CADPS: variants seen among roughly 807,000 people sequenced by gnomAD.
The protein encoded by CADPS is calcium dependent secretion activator.
A neutral mutation model predicts 167.3 loss-of-function variants in CADPS; 57 were observed. The observed-to-expected ratio is 0.34, with a 90% confidence interval of 0.28 to 0.42. The LOEUF is 0.42. Ranked by LOEUF, CADPS falls within the 20% of genes least tolerant of loss-of-function variation. The pLI is 1.00. For missense variants in CADPS, 1,414 were observed against 1,738.1 expected, an observed-to-expected ratio of 0.81 and a Z score of 3.32; for synonymous variants, 676 against 635.3, an observed-to-expected ratio of 1.06 and a Z score of -0.96.
chr3:62,422,972 A>AC (rs2051776836), intron 28 of CADPS, among the ~76,000 whole-genome samples: 1 of 152,130 alleles, frequency 6.6e-6, no homozygotes, highest in African/African-American at 2.4e-5. Flanking sequence ...CCAACATTTT[A>AC]CCCCCCAAAT....
chr3:62,697,366 G>A (rs1212834492), intron 3 of CADPS, among the ~76,000 whole-genome samples: 1 of 151,918 alleles, frequency 6.6e-6, no homozygotes, highest in Non-Finnish European at 1.5e-5. Flanking sequence ...TATGATGTTT[G>A]GTTTTCCATT....
At chr3:62,689,241 T>G (rs1262393312) in intron 3 of CADPS, among the ~76,000 whole-genome samples, 2 of 151,706 alleles carry the variant, frequency 1.3e-5, no homozygotes, top group African/African-American at 4.8e-5. Context: ...AAAAAAAAAA[T>G]GCATTCCTCC....
At position 62,856,299 on chromosome 3, in the gene CADPS, G is replaced by A. The variant is rs1050595024; in HGVS notation, c.441+18290C>T. ...AATAAATTTAACAATAAATGTATAG[G>A]CCATGTATGTTGAAAACTACAAAAA... On this transcript the variant is annotated intron_variant, in intron 1 of 29. Coordinates refer to ENST00000383710, the MANE Select transcript of CADPS (RefSeq NM_003716.4). Among the ~76,000 whole-genome samples the A allele has an allele frequency of 2.0e-5, 3 of 151,992 alleles. No homozygotes were observed. In the East Asian group the frequency reaches 5.8e-4, roughly 29 times the overall value.
intron 17 of CADPS, among the ~76,000 whole-genome samples, chr3:62,502,471 C>T (rs2065926928): frequency 6.6e-6 from 1 of 152,118 alleles, no homozygotes. Flanking sequence ...AAAAAATTGT[C>T]ATGCAAAATG....
intron 3 of CADPS, among the ~76,000 whole-genome samples, chr3:62,695,525 C>G (rs1360054204): frequency 2.0e-5 from 3 of 152,032 alleles, no homozygotes; most frequent in Non-Finnish European, 2.9e-5. Flanking sequence ...ACCTGACTAT[C>G]CTCTCTAAGG....
intron 3 of CADPS, among the ~76,000 whole-genome samples, chr3:62,689,290 T>G (rs945718374): frequency 2.6e-5 from 4 of 152,102 alleles, no homozygotes; most frequent in African/African-American, 9.7e-5. Context: ...AGGTGGCTTA[T>G]AAACATTTTC....
chr3:62,788,514 A>G (rs2092664031), intron 1 of CADPS, among the ~76,000 whole-genome samples: 2 of 152,152 alleles, frequency 1.3e-5, no homozygotes, highest in South Asian at 4.1e-4. Flanking sequence ...CACGCCTTCA[A>G]TCCATGTGTT....
intron 3 of CADPS, among the ~76,000 whole-genome samples, chr3:62,708,828 G>T (rs919825830): frequency 1.3e-5 from 2 of 152,010 alleles, no homozygotes; most frequent in African/African-American, 2.4e-5. Flanking sequence ...GATAAAGAAA[G>T]GGGTAGGGGC....
chr3:62,449,505 C>T (rs1390482299), intron 26 of CADPS, among the ~76,000 whole-genome samples: 2 of 152,094 alleles, frequency 1.3e-5, no homozygotes, highest in Non-Finnish European at 2.9e-5. Context: ...TTAAGTTATC[C>T]ATATCCATAT....
At position 62,687,552 on chromosome 3, in the gene CADPS, C is replaced by A. The variant is rs989818343; in HGVS notation, c.889-25158G>T. ...AATCAGAAAGGGAAGGTTGTGAGAC[C>A]CCAGGGTACCAGGGACTTAGGGCCA... On this transcript the variant is annotated intron_variant, in intron 3 of 29. Coordinates refer to ENST00000383710, the MANE Select transcript of CADPS (RefSeq NM_003716.4). Among the ~76,000 whole-genome samples, 24 of 151,698 alleles carry A rather than the reference C, an allele frequency of 1.6e-4. 1 individual carries two copies. The highest frequency in any genetic ancestry group is 5.3e-4 in the African/African-American group (22 of 41,262).
intron 26 of CADPS, among the ~76,000 whole-genome samples, chr3:62,457,019 C>T (rs2058767870): frequency 6.6e-6 from 1 of 152,152 alleles, no homozygotes; most frequent in African/African-American, 2.4e-5. Flanking sequence ...TAGACACTAA[C>T]TTCCAGACAG....
At chr3:62,797,171 T>A (rs919730426) in intron 1 of CADPS, among the ~76,000 whole-genome samples, 1 of 147,680 alleles carries the variant, frequency 6.8e-6, no homozygotes, top group Non-Finnish European at 1.5e-5. Context: ...TTGTTTTTTG[T>A]TTTTTTTCCT....
intron 1 of CADPS, among the ~76,000 whole-genome samples, chr3:62,863,724 C>T (rs964804948): frequency 5.3e-5 from 8 of 152,202 alleles, no homozygotes; most frequent in African/African-American, 1.4e-4. Flanking sequence ...GAAGAATTCT[C>T]AGCCATTGTT....
At chr3:62,558,942 G>A (rs1417233453) in intron 9 of CADPS, among the ~76,000 whole-genome samples, 10 of 152,202 alleles carry the variant, frequency 6.6e-5, no homozygotes, top group Admixed American at 3.3e-4. Context: ...CTTCTAAAAT[G>A]GAAGGTTAAG....
chr3:62,557,972 T>A (rs1464911915), intron 9 of CADPS, among the ~76,000 whole-genome samples: 2 of 152,236 alleles, frequency 1.3e-5, no homozygotes, highest in Non-Finnish European at 2.9e-5. Context: ...AGATACAACA[T>A]GGGCCTTTTG....
chr3:62,799,773 CAATA>C (rs1468898106), intron 1 of CADPS, among the ~76,000 whole-genome samples: 1 of 152,078 alleles, frequency 6.6e-6, no homozygotes, highest in Non-Finnish European at 1.5e-5. Flanking sequence ...AATGGGAGCT[CAATA>C]AATGTTAGCC....
intron 18 of CADPS, among the ~76,000 whole-genome samples, chr3:62,495,393 T>G (rs749787647): frequency 3.3e-5 from 5 of 152,242 alleles, no homozygotes; most frequent in Non-Finnish European, 7.3e-5. Context: ...GTGACCGGGT[T>G]GGGAAAGGCC....
In CADPS at chr3:62,753,679, T is replaced by C; in HGVS notation, c.650A>G (p.Lys217Arg). Residue 217 changes from lysine to arginine, a missense_variant, in exon 3 of 30, where the codon AAG (lysine) becomes AGG (arginine). Lys to Arg is a conservative substitution (Grantham distance 26). Coordinates refer to ENST00000383710, the MANE Select transcript of CADPS (RefSeq NM_003716.4). The surrounding 1 kb of genome is among the most constrained non-coding windows in gnomAD (Gnocchi z 4.6). The stretch of plus-strand genomic sequence containing the variant: ...AATCTCAGGCAGGCTGCGCACTCTC[T>C]TCTCAATGTGCTTCTTGAAGACCTC... ...SREVFKKHIEKRVRSLPEIDG... is the reference protein window; with the variant it reads ...SREVFKKHIERRVRSLPEIDG... 1 of 1,614,182 alleles carries C rather than the reference T, an allele frequency of 6.2e-7. No individual in the cohort carries two copies. The highest frequency in any genetic ancestry group is 8.5e-7 in the Non-Finnish European group (1 of 1,180,034).
intron 1 of CADPS, among the ~76,000 whole-genome samples, chr3:62,856,421 G>C (rs1001583369): frequency 6.6e-6 from 1 of 152,164 alleles, no homozygotes; most frequent in South Asian, 2.1e-4. Context: ...CTTTCTTTAT[G>C]TTAATCTACA....
Sources: allele counts gnomAD v4.1 joint callset (sites outside exome capture counted in the v4.1 genomes callset), GRCh38; gene constraint gnomAD v4.1.1; non-coding constraint Gnocchi (gnomAD v3.1); transcripts MANE v1.5; gene names NCBI Gene and HGNC (gene_info 2026-07-23, HGNC 2026-07-21).